DNAH8: variants seen among roughly 807,000 people sequenced by gnomAD.
DNAH8 encodes the protein dynein axonemal heavy chain 8.
Under a neutral mutation model 562.1 loss-of-function variants are expected in DNAH8, and 382 were observed. The observed-to-expected ratio is 0.68, with a 90% CI of 0.63 to 0.74. DNAH8 has a LOEUF of 0.74. Among genes scored for constraint, DNAH8 ranks in the 30% least tolerant of loss-of-function variants. The probability of loss-of-function intolerance (pLI) is 0.00; values close to 1 mark genes in which losing one functional copy is unlikely to be tolerated. For missense variants in DNAH8, 5,203 were observed against 5,620.4 expected (o/e 0.93, Z 2.37); for synonymous variants, 1,881 against 1,919.4 (o/e 0.98, Z 0.52).
intron 26 of DNAH8, 112 bp from the exon 27 acceptor site, chr6:38,822,726 A>G: frequency 2.5e-6 from 2 of 815,954 alleles, no homozygotes; most frequent in Non-Finnish European, 3.6e-6. Context: ...AGTTTCTTGG[A>G]GGGAGAATCT....
intron 70 of DNAH8, among the ~76,000 whole-genome samples, chr6:38,920,417 G>A (rs141510443): frequency 2.5e-4 from 38 of 152,272 alleles, no homozygotes; most frequent in Middle Eastern, 3.4e-3. Flanking sequence ...TACCCCAGAA[G>A]GCTTTGGGCC....
At chr6:38,732,143 G>A in intron 4 of DNAH8, among the ~76,000 whole-genome samples, 1 of 152,258 alleles carries the variant, frequency 6.6e-6, no homozygotes, top group South Asian at 2.1e-4. Context: ...ACATTTTTCT[G>A]TGTCATTACG....
chr6:38,895,022 G>T (rs1779585456), intron 59 of DNAH8, among the ~76,000 whole-genome samples, 158 bp downstream of exon 59: 1 of 152,072 alleles, frequency 6.6e-6, no homozygotes, highest in Non-Finnish European at 1.5e-5. Context: ...TCTGCCTCCC[G>T]GGTTCAAGTG....
chr6:38,761,600 G>C (rs1373153834), intron 10 of DNAH8, 102 bp from the exon 11 acceptor site: 4 of 711,996 alleles, frequency 5.6e-6, no homozygotes, highest in Non-Finnish European at 6.3e-6. Context: ...TTGGCCCATA[G>C]GTTTATTCTT....
chr6:38,789,960 G>A, intron 19 of DNAH8, 77 bp downstream of exon 19: 1 of 1,128,066 alleles, frequency 8.9e-7, no homozygotes, highest in Non-Finnish European at 1.3e-6. Context: ...TATGGATTTT[G>A]GAACATCTAT....
chr6:38,868,863 G>A (rs1023436525), intron 48 of DNAH8, among the ~76,000 whole-genome samples: 1 of 151,870 alleles, frequency 6.6e-6, no homozygotes, highest in African/African-American at 2.4e-5. Flanking sequence ...GTAGAGATAG[G>A]GTTTTGCCAT....
chr6:38,992,285 A>C (rs1270824144), intron 88 of DNAH8, among the ~76,000 whole-genome samples: 2 of 152,256 alleles, frequency 1.3e-5, no homozygotes, highest in Non-Finnish European at 2.9e-5. Flanking sequence ...TTACACTTTA[A>C]TTACTGATTT....
At position 38,875,805 on chromosome 6, in the gene DNAH8, A is replaced by G. The variant is rs753797970; in HGVS notation, c.7835A>G (p.Tyr2612Cys). 1.2e-6 allele frequency: 2 copies of G among 1,612,974 alleles called. No individual in the cohort carries two copies. The highest frequency in any genetic ancestry group is 2.2e-5 in the South Asian group (2 of 91,050). The change falls in exon 53 of 93, where the codon TAT becomes TGT. Residue 2612 changes from tyrosine (Y) to cysteine (C), a missense_variant. Physicochemically the swap from Tyr to Cys is radical, Grantham distance 194. This residue lies in a region of DNAH8 where 977 missense variants were observed against 1,061.8 expected (regional missense o/e 0.92). Coordinates refer to ENST00000327475, the MANE Select transcript of DNAH8 (RefSeq NM_001206927.2). ...CCTAAAGGCTCAAATCAAACCATGT[A>G]TGAGTTTTATGTTACTGATTATGGT... ...EIPKGSNQTMYEFYVTDYGDW... is the reference protein window; with the variant it reads ...EIPKGSNQTMCEFYVTDYGDW...
chr6:38,935,820 G>A, intron 77 of DNAH8, 123 bp downstream of exon 77: 1 of 650,736 alleles, frequency 1.5e-6, no homozygotes, highest in Non-Finnish European at 2.4e-6. Context: ...GCAAAAACAA[G>A]CAAGGCAATT....
chr6:38,800,651 G>A (rs2127671693), intron 21 of DNAH8, among the ~76,000 whole-genome samples: 1 of 152,218 alleles, frequency 6.6e-6, no homozygotes, highest in African/African-American at 2.4e-5. Context: ...CAAGTAGCTG[G>A]AATTACAGGT....
intron 8 of DNAH8, chr6:38,744,103 A>G (rs1412907750): frequency 1.3e-5 from 2 of 152,200 alleles, no homozygotes; most frequent in South Asian, 2.1e-4. Flanking sequence ...ATGGTGGCCT[A>G]CATCTGTAGT....
At chr6:38,807,984 G>A (rs1771447408) in intron 24 of DNAH8, among the ~76,000 whole-genome samples, 1 of 152,016 alleles carries the variant, frequency 6.6e-6, no homozygotes, top group African/African-American at 2.4e-5. Flanking sequence ...CCTGAACTTG[G>A]TGTTTATCAT....
intron 15 of DNAH8, 72 bp downstream of exon 15, chr6:38,780,137 C>T: frequency 7.1e-7 from 1 of 1,402,590 alleles, no homozygotes; most frequent in Non-Finnish European, 9.9e-7. Flanking sequence ...TATTTGCCAT[C>T]ATTGTCTCAT....
chr6:38,926,145 C>T lies in DNAH8; in HGVS notation c.11053C>T (p.Leu3685Phe). The T allele has an allele frequency of 6.2e-7, 1 of 1,613,708 alleles. No homozygotes were observed. Among genetic ancestry groups the T allele is most frequent in the Non-Finnish European group, 8.5e-7 (1 of 1,179,782 alleles). Residue 3685 changes from leucine to phenylalanine, a missense_variant, in exon 74 of 93, where the codon CTC (leucine) becomes TTC (phenylalanine). Physicochemically the swap from Leu to Phe is conservative, Grantham distance 22 (BLOSUM62 0). Around this residue, in one of 6 missense-constraint regions of DNAH8, gnomAD observed 1,399 missense variants for 1,518.4 expected, o/e 0.92. Transcript: ENST00000327475. ...IVTKATRYPL[L>F]IDPQTQGKTW... is the part of the protein sequence containing the mutation. ...GACAAAGGCCACCAGATACCCACTC[C>T]TCATAGACCCACAAACTCAAGGCAA...
At chr6:38,841,001 A>G (rs547620715) in intron 33 of DNAH8, among the ~76,000 whole-genome samples, 1 of 152,224 alleles carries the variant, frequency 6.6e-6, no homozygotes, top group South Asian at 2.1e-4. Flanking sequence ...GAGAATAATA[A>G]TAAGTGGTAA....
Position 38,924,136 on chromosome 6 carries a change from A to T in DNAH8, c.10936A>T (p.Ile3646Phe). The change falls in exon 73 of 93, where the codon ATT (isoleucine) becomes TTT (phenylalanine). Residue 3646 changes from isoleucine (I) to phenylalanine (F), a missense_variant. By Grantham distance (21) the Ile-to-Phe change is conservative. Transcript: ENST00000327475. ...KIPFTENLNL[I>F]SMLVDPPTIG... ...TCCTTTCACAGAAAACCTGAATCTT[A>T]TTTCAATGTTGGTGGATCCTCCAAC... 1 of 1,613,854 alleles carries T rather than the reference A, an allele frequency of 6.2e-7. No homozygotes were observed. Among genetic ancestry groups the T allele is most frequent in the Non-Finnish European group, 8.5e-7 (1 of 1,179,856 alleles).
At chr6:38,873,680 T>C (rs1253389389) in intron 52 of DNAH8, among the ~76,000 whole-genome samples, 1 of 151,422 alleles carries the variant, frequency 6.6e-6, no homozygotes, top group Non-Finnish European at 1.5e-5. Context: ...CAATAAAATA[T>C]AGTAATTAAT....
At chr6:38,950,189 C>CTTGT (rs56249206) in intron 81 of DNAH8, among the ~76,000 whole-genome samples, 1 of 144,020 alleles carries the variant, frequency 6.9e-6, no homozygotes, top group Non-Finnish European at 1.5e-5. Flanking sequence ...TGTGTGTCTG[C>CTTGT]GTGTGTGTGT....
At position 39,024,520 on chromosome 6, in the gene DNAH8, G is replaced by C. The variant is rs546613291; in HGVS notation, c.13715-2026G>C. On this transcript the variant is annotated intron_variant, in intron 91 of 92. Transcript: ENST00000327475. Reference sequence around the variant, plus strand: ...CACATGTTTTACTGCTAAAGTATGGGAGCCTGGATGTTTAAAATGGAAGTT... The same window carrying C: ...CACATGTTTTACTGCTAAAGTATGGCAGCCTGGATGTTTAAAATGGAAGTT... 7.2e-5 allele frequency among the ~76,000 whole-genome samples: 11 copies of C among 152,218 alleles called. No homozygotes were observed. The East Asian group carries it at 2.1e-3, about 29-fold the overall frequency.
Sources: gnomAD v4.1 joint callset for allele counts (sites outside exome capture counted in the v4.1 genomes callset) on GRCh38, gnomAD v4.1.1 for gene constraint, gnomAD v4.1.1 regional missense constraint, MANE v1.5 for transcripts, NCBI Gene and HGNC (gene_info 2026-07-23, HGNC 2026-07-21) for gene names.